The following EPHB1 variants were observed in gnomAD, a reference collection of about 807,000 sequenced individuals.
EPHB1 encodes EPH receptor B1.
EPHB1 carries 30 observed loss-of-function variants against 94.4 expected under a neutral mutation model. The observed-to-expected ratio is 0.32, with a 90% CI of 0.24 to 0.43. The LOEUF is 0.43. Ranked by LOEUF, EPHB1 falls within the 20% of genes least tolerant of loss-of-function variation. The pLI, the probability that EPHB1 is intolerant of heterozygous loss-of-function variation, is 1.00. For missense variants in EPHB1, 1,055 were observed against 1,308.3 expected, an observed-to-expected ratio of 0.81 and a Z score of 2.99; for synonymous variants, 522 against 489.1, an observed-to-expected ratio of 1.07 and a Z score of -0.89.
At chr3:134,878,430 T>C (rs761057837) in intron 1 of EPHB1, among the ~76,000 whole-genome samples, 1 of 152,172 alleles carries the variant, frequency 6.6e-6, no homozygotes, top group Non-Finnish European at 1.5e-5. Context: ...CTACTGACTA[T>C]TGATAGAGGA....
At chr3:135,105,001 C>G (rs1223854894) in intron 3 of EPHB1, among the ~76,000 whole-genome samples, 1 of 152,162 alleles carries the variant, frequency 6.6e-6, no homozygotes, top group Non-Finnish European at 1.5e-5. Flanking sequence ...TCCTTGGTAA[C>G]TTTTGTAACC....
intron 12 of EPHB1, among the ~76,000 whole-genome samples, chr3:135,225,051 G>C (rs1035920783): frequency 1.3e-5 from 2 of 152,166 alleles, no homozygotes; most frequent in Admixed American, 1.3e-4. Context: ...AGAGCACGTT[G>C]AGGGGGGAAG....
chr3:134,989,838 T>G (rs1371135159), intron 3 of EPHB1, among the ~76,000 whole-genome samples: 1 of 152,202 alleles, frequency 6.6e-6, no homozygotes, highest in Non-Finnish European at 1.5e-5. Context: ...ACAATGAGAT[T>G]TAAATCACTA....
At chr3:135,063,349 T>C (rs1335869166) in intron 3 of EPHB1, among the ~76,000 whole-genome samples, 3 of 152,202 alleles carry the variant, frequency 2.0e-5, no homozygotes, top group South Asian at 2.1e-4. Flanking sequence ...GTTTGTGTCA[T>C]CTGTGATTTC....
chr3:135,079,944 C>G (rs1458013879), intron 3 of EPHB1, among the ~76,000 whole-genome samples: 1 of 152,096 alleles, frequency 6.6e-6, no homozygotes, highest in Non-Finnish European at 1.5e-5. Context: ...AGCGGGGTAC[C>G]TGGAACTTAG....
At chr3:134,956,289 A>G (rs1453262758) in intron 3 of EPHB1, among the ~76,000 whole-genome samples, 1 of 151,948 alleles carries the variant, frequency 6.6e-6, no homozygotes, top group Non-Finnish European at 1.5e-5. Flanking sequence ...GCATATGTGG[A>G]TCTGTTCTTC....
At chr3:134,964,931 TA>T (rs1299345995) in intron 3 of EPHB1, among the ~76,000 whole-genome samples, 4 of 152,228 alleles carry the variant, frequency 2.6e-5, no homozygotes, top group African/African-American at 7.2e-5. Flanking sequence ...ATTGCAATTT[TA>T]AAAATGAACT....
intron 3 of EPHB1, among the ~76,000 whole-genome samples, chr3:134,962,125 A>G (rs1425824578): frequency 6.6e-6 from 1 of 152,174 alleles, no homozygotes; most frequent in Admixed American, 6.5e-5. Flanking sequence ...CCTGTTCCCT[A>G]TACCTTTGCC....
intron 1 of EPHB1, among the ~76,000 whole-genome samples, chr3:134,835,822 T>C (rs1033704984): frequency 6.6e-6 from 1 of 152,172 alleles, no homozygotes; most frequent in African/African-American, 2.4e-5. Context: ...CCATTCATTC[T>C]TGACCCCACA....
intron 3 of EPHB1, among the ~76,000 whole-genome samples, chr3:135,005,948 C>A (rs11923761): frequency 0.029 from 4,358 of 152,242 alleles, 83 homozygotes; most frequent in Non-Finnish European, 0.032. Flanking sequence ...AGCTGTAGAC[C>A]GGAGCTGTTC....
At chr3:135,140,328 T>G (rs1179562287) in intron 5 of EPHB1, among the ~76,000 whole-genome samples, 1 of 152,232 alleles carries the variant, frequency 6.6e-6, no homozygotes, top group Non-Finnish European at 1.5e-5. Flanking sequence ...CTCCATGAAC[T>G]GACTGGCATC....
intron 3 of EPHB1, among the ~76,000 whole-genome samples, chr3:135,085,406 G>C (rs931770346): frequency 2.6e-5 from 4 of 152,188 alleles, no homozygotes; most frequent in Non-Finnish European, 1.5e-5. Flanking sequence ...GCAGGTTTCT[G>C]GTCGGTGTCA....
At chr3:134,890,523 C>G (rs1239155605) in intron 1 of EPHB1, among the ~76,000 whole-genome samples, 9 of 152,202 alleles carry the variant, frequency 5.9e-5, no homozygotes, top group Non-Finnish European at 1.3e-4. Flanking sequence ...TTTCTCTTGG[C>G]TGTCTTGGGC....
intron 1 of EPHB1, among the ~76,000 whole-genome samples, chr3:134,842,489 TC>T (rs1404766987): frequency 6.6e-6 from 1 of 152,160 alleles, no homozygotes; most frequent in African/African-American, 2.4e-5. Flanking sequence ...AGTCAGAAGA[TC>T]CTTCCTGAGG....
intron 4 of EPHB1, among the ~76,000 whole-genome samples, chr3:135,113,949 T>C (rs553756391): frequency 1.3e-5 from 2 of 152,170 alleles, no homozygotes; most frequent in African/African-American, 2.4e-5. Flanking sequence ...CAGAGCAAGG[T>C]TCAGTAGAAA....
Position 135,110,494 on chromosome 3 carries a change from C to T in EPHB1, c.961+3891C>T, listed in dbSNP as rs370729685. ...CAGGGGTTTTGAGTTTGGCTCCTGA[C>T]GGTAAGACCTGGGGCAAGTTACTTA... On this transcript the variant is annotated intron_variant, in intron 4 of 15. Coordinates refer to ENST00000398015, the MANE Select transcript of EPHB1 (RefSeq NM_004441.5). 3.7e-4 allele frequency among the ~76,000 whole-genome samples: 56 copies of T among 152,222 alleles called. No homozygotes were observed. The East Asian group carries it at 7.0e-3, about 19-fold the overall frequency.
chr3:134,953,453 A>G (rs964412493), intron 3 of EPHB1, among the ~76,000 whole-genome samples: 1 of 152,246 alleles, frequency 6.6e-6, no homozygotes, highest in African/African-American at 2.4e-5. Flanking sequence ...CATCAACGTC[A>G]ACAGTTTTAA....
At chr3:134,860,091 T>C (rs1174663992) in intron 1 of EPHB1, among the ~76,000 whole-genome samples, 2 of 151,580 alleles carry the variant, frequency 1.3e-5, no homozygotes, top group East Asian at 3.9e-4. Context: ...TTGAACACTT[T>C]TTAGCTGTTG....
At chr3:135,161,953 T>C in intron 6 of EPHB1, 65 bp from the exon 7 acceptor site, 1 of 1,524,582 alleles carries the variant, frequency 6.6e-7, no homozygotes, top group Non-Finnish European at 8.9e-7. Flanking sequence ...TACTCCAGGG[T>C]GGAGTGGGCT....
Sources: allele counts gnomAD v4.1 joint callset (sites outside exome capture counted in the v4.1 genomes callset), GRCh38; gene constraint gnomAD v4.1.1; transcripts MANE v1.5; gene names NCBI Gene and HGNC (gene_info 2026-07-23, HGNC 2026-07-21).